E2F6: variants seen among roughly 807,000 people sequenced by gnomAD.
The protein encoded by E2F6 is E2F transcription factor 6.
In E2F6, 19 loss-of-function variants were observed where a neutral mutation model predicts 31.5. The ratio of observed to expected loss-of-function variants is 0.60; its 90% CI spans 0.42 to 0.89. The LOEUF (loss-of-function observed/expected upper bound fraction) is 0.89. Ranked by LOEUF, E2F6 falls within the 40% of genes least tolerant of loss-of-function variation. The pLI is 0.00. For missense variants in E2F6, 269 were observed against 341.6 expected (o/e 0.79, Z 1.67); for synonymous variants, 121 against 127.7 (o/e 0.95, Z 0.36).
chr2:11,457,095 T>A, intron 2 of E2F6, 84 bp downstream of exon 2: 1 of 1,064,882 alleles, frequency 9.4e-7, no homozygotes, highest in Non-Finnish European at 1.4e-6. Flanking sequence ...CAGTTTCTCA[T>A]CAACTCATAC....
intron 1 of E2F6, among the ~76,000 whole-genome samples, chr2:11,459,312 C>T (rs2148356403): frequency 6.6e-6 from 1 of 152,296 alleles, no homozygotes; most frequent in South Asian, 2.1e-4. Context: ...CTACACACCT[C>T]CCTACCCATC....
intron 5 of E2F6, among the ~76,000 whole-genome samples, chr2:11,449,078 G>A (rs910520797): frequency 2.0e-5 from 3 of 152,172 alleles, no homozygotes; most frequent in African/African-American, 7.2e-5. Context: ...TCACAGCATA[G>A]GGAAAAGCCA....
chr2:11,452,077 A>T (rs943930267), intron 3 of E2F6, among the ~76,000 whole-genome samples: 1 of 152,218 alleles, frequency 6.6e-6, no homozygotes, highest in East Asian at 1.9e-4. Flanking sequence ...CAGCCTAAGG[A>T]AATAAAAAGG....
At chr2:11,451,492 A>G in intron 4 of E2F6, 159 bp downstream of exon 4, 1 of 636,442 alleles carries the variant, frequency 1.6e-6, no homozygotes. Context: ...CTGGGATTAC[A>G]GCCATGTGTG....
In E2F6 at chr2:11,450,243, C is replaced by T. The variant is rs970542973; in HGVS notation, c.537-117G>A. The T allele has an allele frequency of 8.0e-6, 4 of 501,144 alleles. No individual in the cohort carries two copies. In the African/African-American group the frequency reaches 8.1e-5, roughly 10 times the overall value. The allele number at this position is 501,144 out of a possible 1,614,324, so 31.0% of individuals were successfully genotyped here. ...GAATGTTTTTAGTTTTTATGAGATA[C>T]AAGTTCACCATTAAGGAAAGCAGTA... On this transcript the variant is annotated intron_variant, in intron 4 of 6. Transcript: ENST00000381525.
At chr2:11,453,851 C>G in intron 2 of E2F6, 53 bp from the exon 3 acceptor site, 1 of 1,479,540 alleles carries the variant, frequency 6.8e-7, no homozygotes, top group Non-Finnish European at 9.3e-7. Context: ...TTTCTCAACT[C>G]ATTTTTAAAA....
At chr2:11,465,462 T>C (rs1020057387) in intron 1 of E2F6, among the ~76,000 whole-genome samples, 5 of 152,034 alleles carry the variant, frequency 3.3e-5, no homozygotes, top group Non-Finnish European at 2.9e-5. Context: ...AAACAAATGA[T>C]AGGTTGCAGA....
At chr2:11,465,178 C>CAAAAAA (rs59561027) in intron 1 of E2F6, among the ~76,000 whole-genome samples, 1 of 88,604 alleles carries the variant, frequency 1.1e-5, no homozygotes, top group Non-Finnish European at 2.1e-5. Context: ...AACTCAATCT[C>CAAAAAA]AAAAAAAAAA....
At chr2:11,446,609 A>C in intron 6 of E2F6, 86 bp from the exon 7 acceptor site, 1 of 1,131,596 alleles carries the variant, frequency 8.8e-7, no homozygotes, top group African/African-American at 1.6e-5. Flanking sequence ...AGAATACACA[A>C]TCTGACTACT....
intron 2 of E2F6, 67 bp downstream of exon 2, chr2:11,457,112 A>G: frequency 1.6e-6 from 2 of 1,217,992 alleles, no homozygotes; most frequent in South Asian, 2.6e-5. Flanking sequence ...ATACACTTAA[A>G]CAAATCATTT....
chr2:11,454,468 C>T (rs958906060), intron 2 of E2F6, among the ~76,000 whole-genome samples: 3 of 151,726 alleles, frequency 2.0e-5, no homozygotes, highest in Non-Finnish European at 2.9e-5. Flanking sequence ...AATTCTCCTC[C>T]GGAGTAGCTG....
rs1243411730 is a variant in E2F6, at chr2:11,445,395, A to G, written c.*1082T>C. Reference sequence around the variant, plus strand: ...TGACAAAGTCCCTCAAGGAGCTCACAGTCTAATGGTAAACTACAGAGTAAA... The same window carrying G: ...TGACAAAGTCCCTCAAGGAGCTCACGGTCTAATGGTAAACTACAGAGTAAA... On this transcript the variant is annotated 3_prime_UTR_variant, in exon 7 of 7. Coordinates refer to ENST00000381525, the MANE Select transcript of E2F6 (RefSeq NM_198256.4). 1 of 152,654 alleles carries G rather than the reference A, an allele frequency of 6.6e-6. No homozygotes were observed. The highest frequency in any genetic ancestry group is 1.5e-5 in the Non-Finnish European group (1 of 68,032). 9.5% of individuals were successfully genotyped at this position (152,654 alleles called of 1,614,324 possible). A position where few individuals can be genotyped will look rare whatever the true frequency, so the allele number is the denominator to read the frequency against.
intron 1 of E2F6, among the ~76,000 whole-genome samples, chr2:11,465,178 CAAAAAA>C (rs59561027): frequency 1.0e-4 from 9 of 88,606 alleles, no homozygotes; most frequent in Non-Finnish European, 1.7e-4. Flanking sequence ...AACTCAATCT[CAAAAAA>C]AAAAAAAAAA....
At chr2:11,448,648 C>A (rs1188284894) in intron 5 of E2F6, among the ~76,000 whole-genome samples, 2 of 152,202 alleles carry the variant, frequency 1.3e-5, no homozygotes, top group Non-Finnish European at 2.9e-5. Flanking sequence ...CAGGTCACAA[C>A]TGGTTTGAAT....
intron 4 of E2F6, 52 bp downstream of exon 4, chr2:11,451,599 G>T: frequency 6.6e-7 from 1 of 1,523,840 alleles, no homozygotes. Context: ...TACTACTTAA[G>T]TAATCTGTTT....
In E2F6 at chr2:11,445,716, G is replaced by A. The variant is rs1670674467; in HGVS notation, c.*761C>T. 6.6e-6 allele frequency: 1 copy of A among 152,186 alleles called. No individual in the cohort carries two copies. Among genetic ancestry groups the A allele is most frequent in the Admixed American group, 6.5e-5 (1 of 15,274 alleles). The allele number at this position is 152,186 out of a possible 1,614,324, so 9.4% of individuals were successfully genotyped here. On this transcript the variant is annotated 3_prime_UTR_variant, in exon 7 of 7. Transcript: ENST00000381525. ...CCACTGGGCATGCCACCAGTCTGCT[G>A]GGAGACAGCAATTAGGTAGACAGCT...
At chr2:11,465,178 C>CAAAAAAAAAAAAAAAA (rs59561027) in intron 1 of E2F6, among the ~76,000 whole-genome samples, 2 of 88,572 alleles carry the variant, frequency 2.3e-5, no homozygotes, top group Non-Finnish European at 4.2e-5. Flanking sequence ...AACTCAATCT[C>CAAAAAAAAAAAAAAAA]AAAAAAAAAA....
intron 1 of E2F6, among the ~76,000 whole-genome samples, chr2:11,464,659 T>G (rs1346894043): frequency 6.6e-6 from 1 of 152,104 alleles, no homozygotes; most frequent in South Asian, 2.1e-4. Context: ...ATTTATCATC[T>G]GGAGTTAGAC....
intron 5 of E2F6, among the ~76,000 whole-genome samples, chr2:11,448,109 A>G (rs896618435): frequency 6.6e-6 from 1 of 152,172 alleles, no homozygotes; most frequent in Non-Finnish European, 1.5e-5. Flanking sequence ...ATGTGCTTGG[A>G]TTTCCAGACC....
Sources: allele counts gnomAD v4.1 joint callset (sites outside exome capture counted in the v4.1 genomes callset), GRCh38; gene constraint gnomAD v4.1.1; transcripts MANE v1.5; gene names NCBI Gene and HGNC (gene_info 2026-07-23, HGNC 2026-07-21).